The following ATG10 variants were observed in gnomAD, a reference collection of about 807,000 sequenced individuals.
ATG10 encodes ubiquitin-like-conjugating enzyme ATG10.
ATG10 carries 30 observed loss-of-function variants against 32.1 expected under a neutral mutation model. The ratio of observed to expected loss-of-function variants is 0.94; its 90% CI spans 0.70 to 1.27. The LOEUF (loss-of-function observed/expected upper bound fraction) is 1.27, where lower values mean the gene tolerates loss of function less well. ATG10 is among the 50% of genes most tolerant of loss of function. The pLI, the probability that ATG10 is intolerant of heterozygous loss-of-function variation, is 0.00. For missense variants in ATG10, 233 were observed against 262.3 expected (o/e 0.89, Z 0.77); for synonymous variants, 87 against 91.5 (o/e 0.95, Z 0.28).
intron 5 of ATG10, among the ~76,000 whole-genome samples, chr5:82,237,867 C>A (rs1252801100): frequency 6.6e-6 from 1 of 152,122 alleles, no homozygotes; most frequent in East Asian, 1.9e-4. Context: ...CAAGATCTCT[C>A]ATAGCTCATG....
At chr5:82,089,871 G>T (rs917146546) in intron 3 of ATG10, among the ~76,000 whole-genome samples, 114 of 151,980 alleles carry the variant, frequency 7.5e-4, no homozygotes, top group African/African-American at 2.6e-3. Context: ...AGTACTGAGA[G>T]TATATAAAGA....
chr5:81,972,747 A>G (rs1024944552), intron 1 of ATG10, among the ~76,000 whole-genome samples: 1 of 152,236 alleles, frequency 6.6e-6, no homozygotes. Flanking sequence ...TTTAGAGCCA[A>G]CAGGTCTTTC....
At chr5:82,022,755 A>G (rs908000555) in intron 2 of ATG10, among the ~76,000 whole-genome samples, 1 of 150,272 alleles carries the variant, frequency 6.7e-6, no homozygotes, top group Admixed American at 6.7e-5. Flanking sequence ...TATTATTTCT[A>G]CTTTAGACAG....
At chr5:82,106,071 T>G (rs986467483) in intron 3 of ATG10, among the ~76,000 whole-genome samples, 1 of 152,146 alleles carries the variant, frequency 6.6e-6, no homozygotes, top group African/African-American at 2.4e-5. Context: ...CTGTTGCATT[T>G]AATATTACAA....
At chr5:82,159,962 A>G (rs1446526399) in intron 3 of ATG10, among the ~76,000 whole-genome samples, 6 of 152,162 alleles carry the variant, frequency 3.9e-5, no homozygotes, top group African/African-American at 9.7e-5. Flanking sequence ...TTCTAAAACT[A>G]TAGTATAATA....
intron 5 of ATG10, among the ~76,000 whole-genome samples, chr5:82,218,952 A>G (rs1246883209): frequency 1.3e-5 from 2 of 152,194 alleles, no homozygotes; most frequent in African/African-American, 2.4e-5. Flanking sequence ...GGGAGAGACT[A>G]CATGTCTCAG....
At chr5:82,082,815 G>T (rs983132227) in intron 3 of ATG10, among the ~76,000 whole-genome samples, 3 of 152,092 alleles carry the variant, frequency 2.0e-5, no homozygotes, top group Admixed American at 6.5e-5. Flanking sequence ...GGTTGTCTTA[G>T]AAACTATGTT....
chr5:82,033,772 A>G (rs558816644), intron 2 of ATG10, among the ~76,000 whole-genome samples: 2 of 151,762 alleles, frequency 1.3e-5, no homozygotes. Flanking sequence ...ATGTGTGTAT[A>G]TATACGTGTA....
At chr5:82,215,810 C>A (rs912919397) in intron 5 of ATG10, among the ~76,000 whole-genome samples, 1 of 151,746 alleles carries the variant, frequency 6.6e-6, no homozygotes, top group Non-Finnish European at 1.5e-5. Context: ...TGGTGGCAGG[C>A]GCCTATAATC....
chr5:82,221,519 G>A (rs1247871880), intron 5 of ATG10, among the ~76,000 whole-genome samples: 1 of 152,154 alleles, frequency 6.6e-6, no homozygotes, highest in Non-Finnish European at 1.5e-5. Context: ...GATAATCACA[G>A]GGACAGAGCA....
In ATG10 at chr5:82,178,602, T is replaced by A; in HGVS notation, c.453+15T>A. 6.5e-7 allele frequency: 1 copy of A among 1,534,402 alleles called. No individual in the cohort carries two copies. Among genetic ancestry groups the A allele is most frequent in the Non-Finnish European group, 9.0e-7 (1 of 1,108,050 alleles). On this transcript the variant is annotated intron_variant, in intron 5 of 7. Coordinates refer to ENST00000282185, the MANE Select transcript of ATG10 (RefSeq NM_031482.5). ...TTACGCAACAGGTTGGAGAGTATTG[T>A]CATTTTATTGTATGCATGTTATTGT...
intron 3 of ATG10, among the ~76,000 whole-genome samples, chr5:82,058,956 C>G (rs992922212): frequency 6.6e-6 from 1 of 152,054 alleles, no homozygotes; most frequent in African/African-American, 2.4e-5. Context: ...ACCTGAATAC[C>G]ACAGATGCCT....
chr5:82,187,232 T>C (rs1175900263), intron 5 of ATG10, among the ~76,000 whole-genome samples: 1 of 152,102 alleles, frequency 6.6e-6, no homozygotes, highest in African/African-American at 2.4e-5. Flanking sequence ...GGGCCAGGCA[T>C]GGTGGCTTAC....
At chr5:82,110,305 G>A (rs1261963201) in intron 3 of ATG10, among the ~76,000 whole-genome samples, 1 of 152,062 alleles carries the variant, frequency 6.6e-6, no homozygotes, top group Non-Finnish European at 1.5e-5. Context: ...ATTCCTTTGG[G>A]TATATACCCA....
chr5:82,055,001 G>A (rs911585010), intron 2 of ATG10, among the ~76,000 whole-genome samples: 2 of 152,146 alleles, frequency 1.3e-5, no homozygotes, highest in African/African-American at 2.4e-5. Context: ...AGTTGACATC[G>A]TTTTTTCCTG....
chr5:82,228,808 G>A (rs1485573713), intron 5 of ATG10, among the ~76,000 whole-genome samples: 8 of 152,276 alleles, frequency 5.3e-5, no homozygotes, highest in African/African-American at 1.4e-4. Flanking sequence ...CAAGTTCAGA[G>A]ACACTGGAAT....
intron 1 of ATG10, among the ~76,000 whole-genome samples, chr5:81,985,970 A>G (rs1761254881): frequency 6.6e-6 from 1 of 152,070 alleles, no homozygotes; most frequent in Admixed American, 6.6e-5. Flanking sequence ...TCACTGTGTT[A>G]GCCAGGTTGG....
At chr5:82,223,639 A>C (rs1746011888) in intron 5 of ATG10, among the ~76,000 whole-genome samples, 1 of 152,154 alleles carries the variant, frequency 6.6e-6, no homozygotes, top group South Asian at 2.1e-4. Flanking sequence ...TCTTTCCCCA[A>C]AGATGGGGCA....
intron 2 of ATG10, among the ~76,000 whole-genome samples, chr5:82,029,773 G>C (rs2200089): frequency 0.16 from 24,733 of 152,118 alleles, 2,491 homozygotes; most frequent in South Asian, 0.36. Flanking sequence ...CATGGGTATA[G>C]ATCAAAGTAA....
Sources: gnomAD v4.1 joint callset for allele counts (sites outside exome capture counted in the v4.1 genomes callset) on GRCh38, gnomAD v4.1.1 for gene constraint, MANE v1.5 for transcripts, NCBI Gene and HGNC (gene_info 2026-07-23, HGNC 2026-07-21) for gene names.